Variants in DHX8 observed in about 807,000 individuals in gnomAD.
DHX8 encodes the protein ATP-dependent RNA helicase DHX8.
In DHX8, 67 loss-of-function variants were observed where a neutral mutation model predicts 140.7. The ratio of observed to expected loss-of-function variants is 0.48; its 90% confidence interval spans 0.39 to 0.58. The LOEUF is 0.58. Among genes scored for constraint, DHX8 ranks in the 20% least tolerant of loss-of-function variants. The probability of loss-of-function intolerance (pLI) is 0.00; values close to 1 mark genes in which losing one functional copy is unlikely to be tolerated. For missense variants in DHX8, 887 were observed against 1,550.7 expected (o/e 0.57, Z 7.19); for synonymous variants, 533 against 553.2 (o/e 0.96, Z 0.51).
chr17:43,518,832 A>G (rs1307871158), intron 18 of DHX8: 1 of 152,076 alleles, frequency 6.6e-6, no homozygotes, highest in African/African-American at 2.4e-5. Flanking sequence ...AGATAGCCTC[A>G]TTTAAGTGGA....
intron 16 of DHX8, among the ~76,000 whole-genome samples, chr17:43,509,727 G>A (rs936221738): frequency 3.1e-4 from 47 of 151,988 alleles, no homozygotes; most frequent in African/African-American, 1.1e-3. Flanking sequence ...GGAGTGCAAC[G>A]GCACAATCTC....
chr17:43,514,722 A>C (rs889308179), intron 17 of DHX8, among the ~76,000 whole-genome samples: 5 of 152,328 alleles, frequency 3.3e-5, no homozygotes, highest in South Asian at 2.1e-4. Context: ...ATGTTCATCG[A>C]AGGATTGGTT....
intron 18 of DHX8, 62 bp downstream of exon 18, chr17:43,517,384 T>C: frequency 1.3e-6 from 2 of 1,539,004 alleles, no homozygotes; most frequent in South Asian, 2.4e-5. Context: ...CCTTCATAAA[T>C]GAATTTCAGT....
chr17:43,492,441 A>G (rs778536241), intron 5 of DHX8, 149 bp downstream of exon 5: 169 of 665,294 alleles, frequency 2.5e-4, no homozygotes, highest in South Asian at 7.1e-4. Flanking sequence ...GCTTCCTGCT[A>G]AGTGTATGTA....
chr17:43,484,293 T>G, intron 1 of DHX8, 108 bp downstream of exon 1: 1 of 1,298,838 alleles, frequency 7.7e-7, no homozygotes, highest in South Asian at 1.3e-5. Flanking sequence ...TTCGTGTGAA[T>G]CTGTCTCTCT....
chr17:43,531,262 A>C (rs1055357020), downstream of DHX8, among the ~76,000 whole-genome samples: 1 of 152,246 alleles, frequency 6.6e-6, no homozygotes. Flanking sequence ...ATGTAACAAA[A>C]GCCAGGAGGA....
intron 10 of DHX8, 38 bp downstream of exon 10, chr17:43,498,997 T>C (rs1969032772): frequency 1.3e-6 from 2 of 1,496,498 alleles, no homozygotes; most frequent in Admixed American, 4.4e-5. Flanking sequence ...AAATGTCAAG[T>C]GGACTTCTTT....
At chr17:43,533,448 G>T in intron 2 of DHX8, 1 of 1,179,520 alleles carries the variant, frequency 8.5e-7, no homozygotes, top group Non-Finnish European at 1.2e-6. Context: ...GATTACAGGA[G>T]AAGGAAGGAT....
chr17:43,526,047 C>T (rs528429936), downstream of DHX8: 7 of 985,416 alleles, frequency 7.1e-6, no homozygotes, highest in Admixed American at 3.1e-4. Flanking sequence ...GGTCACTTCT[C>T]TGCTATGACA....
At chr17:43,516,956 G>A (rs1970145197) in intron 17 of DHX8, among the ~76,000 whole-genome samples, 1 of 152,008 alleles carries the variant, frequency 6.6e-6, no homozygotes, top group South Asian at 2.1e-4. Context: ...TGCTTGTATT[G>A]CCTCCCTCGA....
At chr17:43,488,193 G>A (rs1357275094) in intron 1 of DHX8, among the ~76,000 whole-genome samples, 2 of 151,808 alleles carry the variant, frequency 1.3e-5, no homozygotes, top group African/African-American at 4.8e-5. Flanking sequence ...CAGAAGAATC[G>A]CTTAAACTCA....
chr17:43,536,952 A>AT (rs890373623), intron 3 of DHX8, among the ~76,000 whole-genome samples: 1 of 151,572 alleles, frequency 6.6e-6, no homozygotes, highest in Non-Finnish European at 1.5e-5. Flanking sequence ...TATTTCCTCC[A>AT]TTTTTCTGAA....
In DHX8 at chr17:43,490,446, A is replaced by G. The variant is rs756429477; in HGVS notation, c.290A>G (p.Lys97Arg). 1 of 1,613,804 alleles carries G rather than the reference A, an allele frequency of 6.2e-7. No individual in the cohort carries two copies. The highest frequency in any genetic ancestry group is 8.5e-7 in the Non-Finnish European group (1 of 1,179,900). The change falls in exon 3 of 23, where the codon AAG becomes AGG. Residue 97 changes from lysine to arginine, a missense_variant. Physicochemically the swap from Lys to Arg is conservative, Grantham distance 26. Transcript: ENST00000262415. ...ATACAAACCATGCGGCCTCCAGCGAAGCCTTCCACTAGCAAAGGTAAGCAG... is the reference window on the plus strand; with the variant it reads ...ATACAAACCATGCGGCCTCCAGCGAGGCCTTCCACTAGCAAAGGTAAGCAG... ...RLIQTMRPPA[K>R]PSTSKDPVVK...
At chr17:43,528,767 T>G, downstream of DHX8, 1 of 1,604,040 alleles carries the variant, frequency 6.2e-7, no homozygotes, top group Admixed American at 1.7e-5. Flanking sequence ...GAAGGTCTGG[T>G]CAGCCTGGCT....
chr17:43,508,644 CAG>C (rs1969620522), intron 16 of DHX8, 124 bp downstream of exon 16: 2 of 609,286 alleles, frequency 3.3e-6, no homozygotes, highest in Non-Finnish European at 5.4e-6. Context: ...TTCCTCGAGG[CAG>C]AGTCTCGCTC....
At chr17:43,541,750 C>T (rs1440435725) in intron 3 of DHX8, among the ~76,000 whole-genome samples, 11 of 152,106 alleles carry the variant, frequency 7.2e-5, no homozygotes. Context: ...TGTCCCTTAC[C>T]CTGCCCCCAC....
At chr17:43,528,328 C>T, downstream of DHX8, 1 of 528,942 alleles carries the variant, frequency 1.9e-6, no homozygotes, top group Non-Finnish European at 3.3e-6. Context: ...CTAGACTTGC[C>T]ATTTCTCCAC....
At chr17:43,522,836 G>A (rs1970448715) in intron 22 of DHX8, among the ~76,000 whole-genome samples, 1 of 150,940 alleles carries the variant, frequency 6.6e-6, no homozygotes, top group Non-Finnish European at 1.5e-5. Flanking sequence ...GGCCGAGGCA[G>A]GTGGATCACC....
In DHX8 at chr17:43,525,580, C is replaced by T; in HGVS notation, c.*1733C>T. On this transcript the variant is annotated 3_prime_UTR_variant, in exon 23 of 23. Coordinates refer to ENST00000262415, the MANE Select transcript of DHX8 (RefSeq NM_004941.3). Reference sequence around the variant, plus strand: ...CTTCTGGGGAGAGACAGTACAGGGACCTCAAATGAAACCAAAGGGGAAACG... The same window carrying T: ...CTTCTGGGGAGAGACAGTACAGGGATCTCAAATGAAACCAAAGGGGAAACG... 2 of 985,496 alleles carry T rather than the reference C, an allele frequency of 2.0e-6. No individual in the cohort carries two copies. Among genetic ancestry groups the T allele is most frequent in the Non-Finnish European group, 2.4e-6 (2 of 830,032 alleles). 61.0% of individuals were successfully genotyped at this position (985,496 alleles called of 1,614,324 possible). A position where few individuals can be genotyped will look rare whatever the true frequency, so the allele number is the denominator to read the frequency against.
Sources: gnomAD v4.1 joint callset for allele counts (sites outside exome capture counted in the v4.1 genomes callset) on GRCh38, gnomAD v4.1.1 for gene constraint, MANE v1.5 for transcripts, NCBI Gene and HGNC (gene_info 2026-07-23, HGNC 2026-07-21) for gene names.